RHD: variants seen among roughly 807,000 people sequenced by gnomAD.
The protein encoded by RHD is blood group Rh(D) polypeptide.
Under a neutral mutation model 45.5 loss-of-function variants are expected in RHD, and 16 were observed. The observed-to-expected ratio is 0.35, with a 90% CI of 0.24 to 0.53. RHD has a LOEUF of 0.53. Ranked by LOEUF, RHD falls within the 20% of genes least tolerant of loss-of-function variation. The pLI is 0.92. For missense variants in RHD, 306 were observed against 532.0 expected (o/e 0.58, Z 4.18); for synonymous variants, 131 against 217.5 (o/e 0.60, Z 3.50).
chr1:25,285,781 T>C (rs1332023784), intron 2 of RHD, among the ~76,000 whole-genome samples: 1 of 135,298 alleles, frequency 7.4e-6, no homozygotes, highest in Non-Finnish European at 1.8e-5. Context: ...AAACATTGTT[T>C]TGTTTTGTTC....
In RHD at chr1:25,286,288, A is replaced by G. The variant is rs1181114584; in HGVS notation, c.335+1529A>G. On this transcript the variant is annotated intron_variant, in intron 2 of 9. Coordinates refer to ENST00000328664, the MANE Select transcript of RHD (RefSeq NM_016124.6). Reference sequence around the variant, plus strand: ...CAGATCACTTGAGCCCAGAAGTTTAAGACCAGCCTGACTAACACAGTGAGA... The same window carrying G: ...CAGATCACTTGAGCCCAGAAGTTTAGGACCAGCCTGACTAACACAGTGAGA... 1.5e-5 allele frequency among the ~76,000 whole-genome samples: 2 copies of G among 135,450 alleles called. 1 individual carries two copies. Among genetic ancestry groups the G allele is most frequent in the African/African-American group, 5.1e-5 (2 of 39,272 alleles). 88.9% of individuals were successfully genotyped at this position (135,450 alleles called of 152,430 possible).
rs1376983227 is a variant in RHD at position 25,284,749 on chromosome 1, A to G, written c.325A>G (p.Thr109Ala). The G allele has an allele frequency of 7.2e-7, 1 of 1,388,776 alleles. No individual in the cohort carries two copies. Among genetic ancestry groups the G allele is most frequent in the African/African-American group, 1.4e-5 (1 of 71,358 alleles). The allele number at this position is 1,388,776 out of a possible 1,614,324, so 86.0% of individuals were successfully genotyped here. A position where few individuals can be genotyped will look rare whatever the true frequency, so the allele number is the denominator to read the frequency against. ...GTTCCCTTCTGGGAAGGTGGTCATCACACTGTTCAGGTATTGGGATGGTGG... is the reference window on the plus strand; with the variant it reads ...GTTCCCTTCTGGGAAGGTGGTCATCGCACTGTTCAGGTATTGGGATGGTGG... Reference protein sequence around the residue: ...SQFPSGKVVITLFSIRLATMS... With the variant: ...SQFPSGKVVIALFSIRLATMS... Residue 109 changes from threonine to alanine, a missense_variant, in exon 2 of 10, where the codon ACA becomes GCA. Coordinates refer to ENST00000328664, the MANE Select transcript of RHD (RefSeq NM_016124.6).
Position 25,295,761 on chromosome 1 carries a change from A to G in RHD, c.486+4970A>G, listed in dbSNP as rs528651743. Reference sequence around the variant, plus strand: ...GCCGGGAGGCTGAGACCACAGCAAGAAAGGGAGAGTGTGATGGCATCTTCT... The same window carrying G: ...GCCGGGAGGCTGAGACCACAGCAAGGAAGGGAGAGTGTGATGGCATCTTCT... On this transcript the variant is annotated intron_variant, in intron 3 of 9. Transcript: ENST00000328664. Among the ~76,000 whole-genome samples the G allele has an allele frequency of 4.6e-5, 5 of 108,772 alleles. 1 individual carries two copies. Among genetic ancestry groups the G allele is most frequent in the African/African-American group, 1.5e-4 (5 of 33,104 alleles). The allele number at this position is 108,772 out of a possible 152,430, so 71.4% of individuals were successfully genotyped here. A position where few individuals can be genotyped will look rare whatever the true frequency, so the allele number is the denominator to read the frequency against.
rs1356190689 is a variant in RHD at position 25,290,221 on chromosome 1, C to T, written c.336-420C>T. On this transcript the variant is annotated intron_variant, in intron 2 of 9. Coordinates refer to ENST00000328664, the MANE Select transcript of RHD (RefSeq NM_016124.6). The stretch of plus-strand genomic sequence containing the variant: ...TGGGGATGGGGTGACTGGATGTGGG[C>T]AGGCCTGCGGGGGAAGAGTGCCCTC... Among the ~76,000 whole-genome samples the T allele has an allele frequency of 1.6e-5, 2 of 128,640 alleles. 1 individual carries two copies. Among genetic ancestry groups the T allele is most frequent in the Non-Finnish European group, 3.6e-5 (2 of 54,832 alleles). The allele number at this position is 128,640 out of a possible 152,430, so 84.4% of individuals were successfully genotyped here.
intron 3 of RHD, among the ~76,000 whole-genome samples, chr1:25,297,094 A>C (rs945385889): frequency 4.0e-5 from 5 of 124,364 alleles, no homozygotes; most frequent in African/African-American, 1.4e-4. Context: ...CGAGGATTAC[A>C]TCTTGCATTT....
chr1:25,303,223 G>C, intron 5 of RHD, 99 bp from the exon 6 acceptor site: 1 of 1,016,534 alleles, frequency 9.8e-7, no homozygotes, highest in East Asian at 2.4e-5. Context: ...CAGGGAGGAT[G>C]TTACAGGGTT....
At chr1:25,307,886 C>G in intron 7 of RHD, 1 of 1,195,290 alleles carries the variant, frequency 8.4e-7, no homozygotes, top group Non-Finnish European at 1.2e-6. Context: ...TGATGGGTTC[C>G]AGTGATGTGT....
rs1374776084 is a variant in RHD, at chr1:25,313,228, C to A, written c.1074-3772C>A. On this transcript the variant is annotated intron_variant, in intron 7 of 9. Coordinates refer to ENST00000328664, the MANE Select transcript of RHD (RefSeq NM_016124.6). ...GCTCTTGCCCTCTTGCCATGTGATACCCTCTGCCATGTAATGGCAGGCACA... is the reference window on the plus strand; with the variant it reads ...GCTCTTGCCCTCTTGCCATGTGATAACCTCTGCCATGTAATGGCAGGCACA... Among the ~76,000 whole-genome samples, 3 of 131,062 alleles carry A rather than the reference C, an allele frequency of 2.3e-5. 1 individual carries two copies. Among genetic ancestry groups the A allele is most frequent in the Non-Finnish European group, 3.6e-5 (2 of 55,414 alleles). The allele number at this position is 131,062 out of a possible 152,430, so 86.0% of individuals were successfully genotyped here. A position where few individuals can be genotyped will look rare whatever the true frequency, so the allele number is the denominator to read the frequency against.
At position 25,306,957 on chromosome 1, in the gene RHD, T is replaced by C. The variant is rs189073638; in HGVS notation, c.1073+228T>C. On this transcript the variant is annotated intron_variant, in intron 7 of 9. Coordinates refer to ENST00000328664, the MANE Select transcript of RHD (RefSeq NM_016124.6). ...CTTTCCAAATAGGGCCACCTAGGTA[T>C]AGACCAAAGACACGAAATCTTTTGT... 2.2e-5 allele frequency: 11 copies of C among 493,820 alleles called. 3 individuals carry two copies. Among genetic ancestry groups the C allele is most frequent in the Non-Finnish European group, 4.1e-5 (10 of 246,902 alleles). 30.6% of individuals were successfully genotyped at this position (493,820 alleles called of 1,614,324 possible). A position where few individuals can be genotyped will look rare whatever the true frequency, so the allele number is the denominator to read the frequency against.
In RHD at chr1:25,329,385, C is replaced by G; in HGVS notation, c.*461C>G. On this transcript the variant is annotated 3_prime_UTR_variant, in exon 10 of 10. Coordinates refer to ENST00000328664, the MANE Select transcript of RHD (RefSeq NM_016124.6). ...TCAGCCTCCAAAGTAGCTGGGATTA[C>G]AGGCACCCACCACATCTGGCTAATT... 1 of 306,582 alleles carries G rather than the reference C, an allele frequency of 3.3e-6. No homozygotes were observed. Among genetic ancestry groups the G allele is most frequent in the Non-Finnish European group, 6.6e-6 (1 of 150,726 alleles). 19.0% of individuals were successfully genotyped at this position (306,582 alleles called of 1,614,324 possible).
rs574308870 is a variant in RHD at position 25,274,928 on chromosome 1, C to A, written c.148+2233C>A. 2.4e-3 allele frequency among the ~76,000 whole-genome samples: 314 copies of A among 130,270 alleles called. 77 individuals carry two copies. The highest frequency in any genetic ancestry group is 4.4e-3 in the Non-Finnish European group (240 of 54,920). 85.5% of individuals were successfully genotyped at this position (130,270 alleles called of 152,430 possible). A position where few individuals can be genotyped will look rare whatever the true frequency, so the allele number is the denominator to read the frequency against. On this transcript the variant is annotated intron_variant, in intron 1 of 9. Coordinates refer to ENST00000328664, the MANE Select transcript of RHD (RefSeq NM_016124.6). The stretch of plus-strand genomic sequence containing the variant: ...AGGCCATTACACTCCAGCCTGGGCG[C>A]CAGAGTGAGACTTCATCTCAAAAAA...
chr1:25,311,722 T>A (rs3094243), intron 7 of RHD, among the ~76,000 whole-genome samples: 29,095 of 126,202 alleles, frequency 0.23, 8,104 homozygotes, highest in Admixed American at 0.3. Flanking sequence ...CTTGGGTCTC[T>A]GCTCCCCACA....
At chr1:25,297,761 G>C (rs138997592) in intron 3 of RHD, among the ~76,000 whole-genome samples, 4,001 of 120,528 alleles carry the variant, frequency 0.033, 665 homozygotes, top group African/African-American at 0.11. Context: ...GAAAATGTCA[G>C]CAGAGCTTTC....
intron 1 of RHD, among the ~76,000 whole-genome samples, chr1:25,275,668 A>C (rs1640904179): frequency 7.5e-6 from 1 of 133,566 alleles, no homozygotes; most frequent in Non-Finnish European, 1.8e-5. Flanking sequence ...ATTGAAAGAG[A>C]TCAAAATGAA....
At chr1:25,315,956 T>G (rs1644416669) in intron 7 of RHD, among the ~76,000 whole-genome samples, 1 of 131,728 alleles carries the variant, frequency 7.6e-6, no homozygotes, top group African/African-American at 2.6e-5. Context: ...GTCCACCCCA[T>G]GAGGCTGCAG....
intron 1 of RHD, 141 bp from the exon 2 acceptor site, chr1:25,284,432 G>C: frequency 1.2e-6 from 1 of 845,848 alleles, no homozygotes; most frequent in South Asian, 1.5e-5. Flanking sequence ...GAGGCTCAAA[G>C]AGGCAAAGTA....
intron 3 of RHD, among the ~76,000 whole-genome samples, chr1:25,296,198 A>C (rs2124659243): frequency 8.2e-6 from 1 of 121,556 alleles, no homozygotes. Context: ...GGTTGTCTTC[A>C]TCTGTGTATG....
chr1:25,279,971 G>A (rs1641329868), intron 1 of RHD, among the ~76,000 whole-genome samples: 2 of 129,068 alleles, frequency 1.5e-5, no homozygotes, highest in Non-Finnish European at 3.6e-5. Context: ...CTCCAAGCTG[G>A]GACCCAGCCC....
Position 25,287,169 on chromosome 1 carries a change from A to G in RHD, c.335+2410A>G, listed in dbSNP as rs1383276332. Among the ~76,000 whole-genome samples the G allele has an allele frequency of 5.2e-5, 7 of 135,292 alleles. 1 individual carries two copies. The highest frequency in any genetic ancestry group is 1.3e-4 in the African/African-American group (5 of 39,192). The allele number at this position is 135,292 out of a possible 152,430, so 88.8% of individuals were successfully genotyped here. A position where few individuals can be genotyped will look rare whatever the true frequency, so the allele number is the denominator to read the frequency against. On this transcript the variant is annotated intron_variant, in intron 2 of 9. Transcript: ENST00000328664. ...AATACACACACGCACACATGCACGC[A>G]TACACACACTGTGTCCACCTGGGAA...
Sources: gnomAD v4.1 joint callset for allele counts (sites outside exome capture counted in the v4.1 genomes callset) on GRCh38, gnomAD v4.1.1 for gene constraint, MANE v1.5 for transcripts, NCBI Gene and HGNC (gene_info 2026-07-23, HGNC 2026-07-21) for gene names.